The following MYH1 variants were observed in gnomAD, a reference collection of about 807,000 sequenced individuals.
MYH1 encodes the protein myosin-1.
A neutral mutation model predicts 225.6 loss-of-function variants in MYH1; 214 were observed. The observed-to-expected ratio is 0.95, with a 90% CI of 0.85 to 1.06. MYH1 has a LOEUF of 1.06. Among genes scored for constraint, MYH1 ranks in the 50% least tolerant of loss-of-function variants. The pLI, the probability that MYH1 is intolerant of heterozygous loss-of-function variation, is 0.00. For synonymous variants in MYH1, 774 were observed against 842.3 expected (o/e 0.92, Z 1.40); for missense variants, 2,098 against 2,344.2 (o/e 0.89, Z 2.17).
rs145273788 is a variant in MYH1, at chr17:10,494,354, C to T, written c.5667G>A (p.Ala1889=). ...VKSYKRQAEE[A]EEQSNVNLSK... is the part of the protein sequence containing the mutation. ...TCACCCCAAGGGGTTGTGAACTCAC[C>T]GCTTCTTCAGCTTGTCTCTTGTAGG... The change falls in exon 39 of 40, where the codon GCG becomes GCA. Residue 1889 remains alanine (A), a splice_region_variant and synonymous_variant. Transcript: ENST00000226207. 167 of 1,613,826 alleles carry T rather than the reference C, an allele frequency of 1.0e-4. No individual in the cohort carries two copies. Among genetic ancestry groups the T allele is most frequent in the Non-Finnish European group, 1.2e-4 (140 of 1,179,954 alleles).
chr17:10,513,759 T>G, intron 8 of MYH1, 62 bp downstream of exon 8: 17 of 1,612,916 alleles, frequency 1.1e-5, no homozygotes, highest in Non-Finnish European at 1.3e-5. Context: ...CTGAAATAAT[T>G]CAGACATGCT....
chr17:10,496,181 C>T, intron 34 of MYH1, 28 bp from the exon 35 acceptor site: 1 of 1,614,126 alleles, frequency 6.2e-7, no homozygotes, highest in Non-Finnish European at 8.5e-7. Flanking sequence ...ATTGAGACAC[C>T]ATGTATTCAG....
chr17:10,508,821 A>G (rs2073143122), intron 15 of MYH1, 149 bp from the exon 16 acceptor site: 2 of 1,244,954 alleles, frequency 1.6e-6, no homozygotes, highest in African/African-American at 3.0e-5. Flanking sequence ...GAAGTCATTA[A>G]CTTCACAAAT....
At chr17:10,512,578 G>A (rs202010993) in intron 11 of MYH1, 32 bp from the exon 12 acceptor site, 149 of 1,613,804 alleles carry the variant, frequency 9.2e-5, no homozygotes, top group Non-Finnish European at 5.3e-5. Context: ...CAAAGATTAG[G>A]GCACAAGAGA....
chr17:10,506,089 T>C lies in MYH1; in HGVS notation c.1979A>G (p.Asn660Ser). ...GCTCCTCAAGTTGGTCATCAGCTTA[T>C]TCAAATTCTCCTGTGGAACCATGCG... ...TVSALFRENL[N>S]KLMTNLRSTH... Residue 660 changes from asparagine (N) to serine (S), a missense_variant, in exon 18 of 40, where the codon AAT becomes AGT. Transcript: ENST00000226207. The C allele has an allele frequency of 6.2e-7, 1 of 1,614,242 alleles. No homozygotes were observed. Among genetic ancestry groups the C allele is most frequent in the Non-Finnish European group, 8.5e-7 (1 of 1,180,030 alleles).
At chr17:10,514,691 A>T (rs1332908489) in intron 6 of MYH1, among the ~76,000 whole-genome samples, 177 bp downstream of exon 6, 1 of 152,230 alleles carries the variant, frequency 6.6e-6, no homozygotes, top group Non-Finnish European at 1.5e-5. Flanking sequence ...GTGATTTAGA[A>T]CATTATTATT....
intron 16 of MYH1, 129 bp downstream of exon 16, chr17:10,508,234 G>T: frequency 9.2e-7 from 1 of 1,083,590 alleles, no homozygotes; most frequent in Non-Finnish European, 1.3e-6. Context: ...GACCGGGCTG[G>T]TCTTGAACTC....
In MYH1 at chr17:10,512,181, C is replaced by T. The variant is rs1222144547; in HGVS notation, c.1159G>A (p.Ala387Thr). 11 of 1,613,842 alleles carry T rather than the reference C, an allele frequency of 6.8e-6. No individual in the cohort carries two copies. The highest frequency in any genetic ancestry group is 1.7e-5 in the Admixed American group (1 of 60,002). ...GAGTTCAGATTTTGGAGATAGGCTGCCTTGTCAGCAACTGCAGAAACATAA... is the reference window on the plus strand; with the variant it reads ...GAGTTCAGATTTTGGAGATAGGCTGTCTTGTCAGCAACTGCAGAAACATAA... ...EPDGTEVADK[A>T]AYLQNLNSAD... The change falls in exon 13 of 40, where the codon GCA (alanine) becomes ACA (threonine). Residue 387 changes from alanine to threonine, a missense_variant. Coordinates refer to ENST00000226207, the MANE Select transcript of MYH1 (RefSeq NM_005963.4).
In MYH1 at chr17:10,505,907, G is replaced by A. The variant is rs538626478; in HGVS notation, c.2079C>T (p.Val693=). 177 of 1,614,162 alleles carry A rather than the reference G, an allele frequency of 1.1e-4. 1 individual carries two copies. The South Asian group carries it at 1.8e-3, about 16-fold the overall frequency. ...KTPGAMEHEL[V]LHQLRCNGVL... is the part of the protein sequence containing the mutation. ...CACCGTTACACCTCAGCTGATGCAG[G>A]ACAAGCTCATGCTCCATGGCACCTA... The change falls in exon 19 of 40, where the codon GTC becomes GTT. Residue 693 remains valine, a synonymous_variant. Transcript: ENST00000226207.
chr17:10,505,116 TA>T, intron 21 of MYH1, 46 bp downstream of exon 21: 1 of 1,612,930 alleles, frequency 6.2e-7, no homozygotes, highest in South Asian at 1.1e-5. Flanking sequence ...GAAGCAGAAT[TA>T]AAACACCTAA....
rs200435613 is a variant in MYH1 at position 10,509,536 on chromosome 17, C to T, written c.1536G>A (p.Thr512=). 27 of 1,614,154 alleles carry T rather than the reference C, an allele frequency of 1.7e-5. No homozygotes were observed. Among genetic ancestry groups the T allele is most frequent in the Admixed American group, 5.0e-5 (3 of 60,024 alleles). Residue 512 remains threonine (T), a synonymous_variant, in exon 15 of 40, where the codon ACG becomes ACA. Transcript: ENST00000226207. The stretch of plus-strand genomic sequence containing the variant: ...CCAGGTCCATCCCAAAGTCAATGAA[C>T]GTCCACTCAATGCCTTCCTTCTTGT... ...EEYKKEGIEW[T]FIDFGMDLAA...
Position 10,501,476 on chromosome 17 carries a change from C to T in MYH1, c.3372G>A (p.Glu1124=). 6.2e-7 allele frequency: 1 copy of T among 1,614,250 alleles called. No homozygotes were observed. Among genetic ancestry groups the T allele is most frequent in the East Asian group, 2.2e-5 (1 of 44,890 alleles). Residue 1124 remains glutamate (E), a synonymous_variant, in exon 27 of 40, where the codon GAG becomes GAA. Coordinates refer to ENST00000226207, the MANE Select transcript of MYH1 (RefSeq NM_005963.4). ...ELQARIEELE[E]EIEAERASRA... Reference sequence around the variant, plus strand: ...GGGAGGCCCGCTCTGCCTCGATTTCCTCCTCCAGCTCCTCAATGCGGGCCT... The same window carrying T: ...GGGAGGCCCGCTCTGCCTCGATTTCTTCCTCCAGCTCCTCAATGCGGGCCT...
chr17:10,504,843 T>A lies in MYH1; in HGVS notation c.2658A>T (p.Gln886His). ...CCTGGAGTTGCAAGTCATTTTTTTC[T>A]TGCATCAGAGTAACCATTTTTTCTT... is the stretch of plus-strand genomic sequence containing the variant. ...ELEEKMVTLM[Q>H]EKNDLQLQVQ... Residue 886 changes from glutamine (Q) to histidine (H), a missense_variant, in exon 22 of 40, where the codon CAA becomes CAT. Gln to His is a conservative substitution (Grantham distance 24, BLOSUM62 0). Coordinates refer to ENST00000226207, the MANE Select transcript of MYH1 (RefSeq NM_005963.4). 1 of 1,614,108 alleles carries A rather than the reference T, an allele frequency of 6.2e-7. No homozygotes were observed. Among genetic ancestry groups the A allele is most frequent in the Non-Finnish European group, 8.5e-7 (1 of 1,180,018 alleles).
chr17:10,514,762 G>T, intron 6 of MYH1, 106 bp downstream of exon 6: 3 of 960,812 alleles, frequency 3.1e-6, no homozygotes, highest in South Asian at 1.4e-5. Flanking sequence ...GTTCCAGGTT[G>T]ATCATTCAGT....
chr17:10,503,332 G>GT, intron 22 of MYH1, 84 bp from the exon 23 acceptor site: 1 of 1,544,400 alleles, frequency 6.5e-7, no homozygotes, highest in Non-Finnish European at 8.8e-7. Context: ...AACCAAACAA[G>GT]TAAATTGTTT....
chr17:10,502,814 T>C lies in MYH1; in HGVS notation c.3035A>G (p.Asp1012Gly). The C allele has an allele frequency of 3.7e-6, 6 of 1,614,120 alleles. No individual in the cohort carries two copies. Among genetic ancestry groups the C allele is most frequent in the Non-Finnish European group, 5.1e-6 (6 of 1,180,010 alleles). Residue 1012 changes from aspartate to glycine, a missense_variant, in exon 24 of 40, where the codon GAT (aspartate) becomes GGT (glycine). Physicochemically the swap from Asp to Gly is moderately conservative, Grantham distance 94. Transcript: ENST00000226207. ...ALQEAHQQTL[D>G]DLQAEEDKVN... ...TTTGTCCTCCTCTGCCTGCAGGTCATCCAGGGTCTGCTGGTGGGCCTCCTG... is the reference window on the plus strand; with the variant it reads ...TTTGTCCTCCTCTGCCTGCAGGTCACCCAGGGTCTGCTGGTGGGCCTCCTG...
Position 10,492,487 on chromosome 17 carries a change from C to A in MYH1, c.5749G>T (p.Ala1917Ser), listed in dbSNP as rs370774399. The change falls in exon 40 of 40, where the codon GCT becomes TCT. Residue 1917 changes from alanine (A) to serine (S), a missense_variant. Ala to Ser is a moderately conservative substitution (Grantham distance 99, BLOSUM62 1). Transcript: ENST00000226207. ...LEEAEERADIAESQVNKLRVK... is the reference protein window; with the variant it reads ...LEEAEERADISESQVNKLRVK... ...CTCAGCTTGTTGACCTGGGACTCAG[C>A]AATGTCAGCCCGTTCCTCGGCCTCC... is the stretch of plus-strand genomic sequence containing the variant. 1.9e-6 allele frequency: 3 copies of A among 1,614,192 alleles called. No homozygotes were observed. Among genetic ancestry groups the A allele is most frequent in the South Asian group, 1.1e-5 (1 of 91,080 alleles).
intron 28 of MYH1, among the ~76,000 whole-genome samples, chr17:10,499,463 G>T (rs1449773390): frequency 6.6e-6 from 1 of 152,138 alleles, no homozygotes; most frequent in Non-Finnish European, 1.5e-5. Flanking sequence ...TTGAAAGTTG[G>T]TTGAAACAAA....
chr17:10,492,466 G>A lies in MYH1; in HGVS notation c.5770C>T (p.Leu1924=). The A allele has an allele frequency of 6.2e-7, 1 of 1,614,152 alleles. No homozygotes were observed. The highest frequency in any genetic ancestry group is 1.1e-5 in the South Asian group (1 of 91,088). The change falls in exon 40 of 40, where the codon CTG becomes TTG. Residue 1924 remains leucine (L), a synonymous_variant. Coordinates refer to ENST00000226207, the MANE Select transcript of MYH1 (RefSeq NM_005963.4). ...ADIAESQVNK[L]RVKSREVHTK... is the part of the protein sequence containing the mutation. ...TGAACCTCCCTGCTCTTCACCCTCA[G>A]CTTGTTGACCTGGGACTCAGCAATG...
Sources: gnomAD v4.1 joint callset for allele counts (sites outside exome capture counted in the v4.1 genomes callset) on GRCh38, gnomAD v4.1.1 for gene constraint, MANE v1.5 for transcripts, NCBI Gene and HGNC (gene_info 2026-07-23, HGNC 2026-07-21) for gene names.